TRA2A: variants seen among roughly 807,000 people sequenced by gnomAD.
TRA2A encodes the protein transformer 2 alpha homolog.
In TRA2A, 31 loss-of-function variants were observed where a neutral mutation model predicts 45.7. That is an observed-to-expected ratio of 0.68 (90% CI 0.51 to 0.92). TRA2A has a LOEUF of 0.92. Among genes scored for constraint, TRA2A ranks in the 40% least tolerant of loss-of-function variants. TRA2A has a pLI of 0.00. For synonymous variants in TRA2A, 132 were observed against 126.2 expected (o/e 1.05, Z -0.31); for missense variants, 304 against 367.5 (o/e 0.83, Z 1.41).
At chr7:23,525,172 A>G (rs1790290322) in intron 1 of TRA2A, among the ~76,000 whole-genome samples, 3 of 152,262 alleles carry the variant, frequency 2.0e-5, no homozygotes, top group Admixed American at 2.0e-4. Flanking sequence ...TCAGGCTATA[A>G]GAAGTCCTTT....
chr7:23,510,940 G>A (rs1246640256), intron 4 of TRA2A, among the ~76,000 whole-genome samples: 1 of 152,126 alleles, frequency 6.6e-6, no homozygotes, highest in East Asian at 1.9e-4. Flanking sequence ...GAGTTATCCG[G>A]GGTTTCTCAA....
intron 1 of TRA2A, among the ~76,000 whole-genome samples, chr7:23,525,427 C>G (rs1277495230): frequency 6.6e-6 from 1 of 152,156 alleles, no homozygotes; most frequent in Non-Finnish European, 1.5e-5. Flanking sequence ...CTCCTGCATC[C>G]AATAACCATT....
chr7:23,531,912 G>T lies in TRA2A; in HGVS notation c.-88C>A. On this transcript the variant is annotated 5_prime_UTR_variant, in exon 1 of 8. Coordinates refer to ENST00000297071, the MANE Select transcript of TRA2A (RefSeq NM_013293.5). ...AATTAACCCGCTGACTGGACCGTGGGGAAGAGGAAAGAGTCGGCAACCACA... is the reference window on the plus strand; with the variant it reads ...AATTAACCCGCTGACTGGACCGTGGTGAAGAGGAAAGAGTCGGCAACCACA... 6.7e-7 allele frequency: 1 copy of T among 1,490,760 alleles called. No homozygotes were observed. The allele number at this position is 1,490,760 out of a possible 1,614,324, so 92.3% of individuals were successfully genotyped here.
intron 4 of TRA2A, among the ~76,000 whole-genome samples, chr7:23,510,491 C>T (rs764887231): frequency 4.6e-4 from 65 of 141,270 alleles, no homozygotes; most frequent in Non-Finnish European, 8.7e-4. Context: ...CCACAATGCC[C>T]GGCTAATTTT....
At chr7:23,525,266 A>C (rs1259707628) in intron 1 of TRA2A, among the ~76,000 whole-genome samples, 2 of 152,206 alleles carry the variant, frequency 1.3e-5, no homozygotes, top group East Asian at 1.9e-4. Context: ...TTCTCAAAGA[A>C]ATTCATAAAA....
At chr7:23,511,418 A>C (rs1789612540) in intron 4 of TRA2A, among the ~76,000 whole-genome samples, 1 of 135,610 alleles carries the variant, frequency 7.4e-6, no homozygotes, top group Admixed American at 7.9e-5. Context: ...AAAGAAAAGA[A>C]AAGAAAAGAA....
chr7:23,509,165 T>C (rs888797036), intron 4 of TRA2A, among the ~76,000 whole-genome samples: 3 of 152,106 alleles, frequency 2.0e-5, no homozygotes, highest in Non-Finnish European at 4.4e-5. Flanking sequence ...TTACATCACA[T>C]AAATGTCTGC....
chr7:23,521,160 G>T (rs1790119817), intron 2 of TRA2A, among the ~76,000 whole-genome samples: 1 of 152,182 alleles, frequency 6.6e-6, no homozygotes, highest in Non-Finnish European at 1.5e-5. Context: ...GACAGAGTCA[G>T]AATCTTCAGA....
chr7:23,526,377 C>G (rs1790341672), intron 1 of TRA2A, among the ~76,000 whole-genome samples: 1 of 152,186 alleles, frequency 6.6e-6, no homozygotes, highest in Non-Finnish European at 1.5e-5. Context: ...GCTTGTAAAA[C>G]AGACTTACTA....
intron 1 of TRA2A, among the ~76,000 whole-genome samples, chr7:23,529,666 G>C (rs1269719722): frequency 1.3e-5 from 2 of 151,988 alleles, no homozygotes; most frequent in Admixed American, 6.6e-5. Context: ...AAAACTAAAA[G>C]ACGAAAAATA....
chr7:23,527,176 G>C (rs763055268), intron 1 of TRA2A, among the ~76,000 whole-genome samples: 2 of 152,146 alleles, frequency 1.3e-5, no homozygotes, highest in East Asian at 3.8e-4. Context: ...TCAGATGATA[G>C]GGTCCTGGTT....
Position 23,504,987 on chromosome 7 carries a change from AT to A in TRA2A, c.*571del, listed in dbSNP as rs921636902. ...AATAAACTTAACAACAACAAAAAAA[AT>A]CACACTTTAGTTTTTAAGTTTTAAC... On this transcript the variant is annotated 3_prime_UTR_variant, in exon 8 of 8. Transcript: ENST00000297071. 5.9e-5 allele frequency: 9 copies of A among 152,616 alleles called. No individual in the cohort carries two copies. Among genetic ancestry groups the A allele is most frequent in the African/African-American group, 1.7e-4 (7 of 41,456 alleles). 9.5% of individuals were successfully genotyped at this position (152,616 alleles called of 1,614,324 possible).
rs777265656 is a variant in TRA2A, at chr7:23,531,871, C to A, written c.-47G>T. On this transcript the variant is annotated 5_prime_UTR_variant, in exon 1 of 8. Coordinates refer to ENST00000297071, the MANE Select transcript of TRA2A (RefSeq NM_013293.5). The stretch of plus-strand genomic sequence containing the variant: ...ACTAAATAAGAGACAAGTCTCGGCT[C>A]GAGGGCCGATGGCCTAATTAACCCG... 9.3e-6 allele frequency: 15 copies of A among 1,608,124 alleles called. No homozygotes were observed. Among genetic ancestry groups the A allele is most frequent in the Non-Finnish European group, 1.1e-5 (13 of 1,176,778 alleles).
intron 1 of TRA2A, among the ~76,000 whole-genome samples, chr7:23,526,599 C>G (rs942996842): frequency 6.6e-6 from 1 of 151,620 alleles, no homozygotes; most frequent in Non-Finnish European, 1.5e-5. Context: ...ATAGAAAGAA[C>G]AACAGTTCTG....
At chr7:23,517,249 G>A (rs990960595) in intron 2 of TRA2A, among the ~76,000 whole-genome samples, 21 of 151,802 alleles carry the variant, frequency 1.4e-4, no homozygotes, top group Non-Finnish European at 2.8e-4. Context: ...TTGTGAGGCC[G>A]AGGCGGGCGG....
chr7:23,510,857 A>AT (rs1453238996), intron 4 of TRA2A, among the ~76,000 whole-genome samples: 1 of 152,138 alleles, frequency 6.6e-6, no homozygotes, highest in Non-Finnish European at 1.5e-5. Flanking sequence ...AAAAAAAATC[A>AT]TAAGACTGAC....
rs192917853 is a variant in TRA2A at position 23,520,810 on chromosome 7, A to C, written c.170+897T>G. On this transcript the variant is annotated intron_variant, in intron 2 of 7. Transcript: ENST00000297071. ...TGGGTTCAAGCGATTCTCCTGCCTA[A>C]GCCTCCCAGGTAGCTGGGACTACAG... is the stretch of plus-strand genomic sequence containing the variant. Among the ~76,000 whole-genome samples the C allele has an allele frequency of 3.2e-3, 492 of 151,414 alleles. 2 individuals carry two copies. The highest frequency in any genetic ancestry group is 0.011 in the African/African-American group (470 of 41,208).
chr7:23,515,692 T>A (rs997308164), intron 3 of TRA2A, among the ~76,000 whole-genome samples: 8 of 152,026 alleles, frequency 5.3e-5, no homozygotes, highest in African/African-American at 1.9e-4. Flanking sequence ...ATTACAGGCG[T>A]AAGCCACCAC....
At chr7:23,528,290 C>T (rs1790422289) in intron 1 of TRA2A, among the ~76,000 whole-genome samples, 1 of 152,032 alleles carries the variant, frequency 6.6e-6, no homozygotes, top group Non-Finnish European at 1.5e-5. Context: ...CTCACTGCAA[C>T]CTCCGCCTCC....
Sources: allele counts gnomAD v4.1 joint callset (sites outside exome capture counted in the v4.1 genomes callset), GRCh38; gene constraint gnomAD v4.1.1; transcripts MANE v1.5; gene names NCBI Gene and HGNC (gene_info 2026-07-23, HGNC 2026-07-21).